Variants in NAV3 observed in about 807,000 individuals in gnomAD.
NAV3 encodes pore membrane and/or filament interacting like protein 1.
A neutral mutation model predicts 244.7 loss-of-function variants in NAV3; 87 were observed. The observed-to-expected ratio is 0.36, with a 90% confidence interval of 0.30 to 0.42. The LOEUF (loss-of-function observed/expected upper bound fraction) is 0.42. NAV3 is among the 20% of genes least tolerant of loss of function. The probability of loss-of-function intolerance (pLI) is 1.00; values close to 1 mark genes in which losing one functional copy is unlikely to be tolerated. For synonymous variants in NAV3, 1,126 were observed against 1,042.2 expected (o/e 1.08, Z -1.55); for missense variants, 2,663 against 2,893.3 (o/e 0.92, Z 1.83).
chr12:77,978,106 T>C (rs1868846787), intron 5 of NAV3, among the ~76,000 whole-genome samples: 1 of 152,140 alleles, frequency 6.6e-6, no homozygotes, highest in South Asian at 2.1e-4. Flanking sequence ...AGGTATAAAA[T>C]AAAAACGTCA....
intron 25 of NAV3, 91 bp from the exon 26 acceptor site, chr12:78,176,348 T>TA: frequency 2.4e-6 from 3 of 1,257,538 alleles, no homozygotes; most frequent in African/African-American, 3.1e-5. Context: ...CTTTTTATCT[T>TA]AAAAAATGTT....
intron 1 of NAV3, among the ~76,000 whole-genome samples, chr12:77,920,556 A>G (rs552506337): frequency 1.4e-4 from 21 of 152,184 alleles, no homozygotes; most frequent in African/African-American, 5.0e-4. Flanking sequence ...TTAACTTGCT[A>G]TTGTGAAAAA....
chr12:78,005,894 T>C (rs1477160910), intron 7 of NAV3, among the ~76,000 whole-genome samples: 2 of 152,194 alleles, frequency 1.3e-5, no homozygotes, highest in Non-Finnish European at 2.9e-5. Context: ...CATTATAGAA[T>C]AAAGCGAAAT....
chr12:77,921,449 T>A (rs2137176181), intron 1 of NAV3, among the ~76,000 whole-genome samples: 1 of 152,216 alleles, frequency 6.6e-6, no homozygotes, highest in Non-Finnish European at 1.5e-5. Context: ...TAGCCATACT[T>A]ACATAAACGT....
At chr12:78,108,415 C>G (rs554208508) in intron 12 of NAV3, among the ~76,000 whole-genome samples, 3 of 151,994 alleles carry the variant, frequency 2.0e-5, no homozygotes, top group Non-Finnish European at 2.9e-5. Flanking sequence ...AAAAATCAAC[C>G]AGTAAATTTT....
At chr12:77,685,506 C>T (rs1716241) in intron 2 of NAV3, among the ~76,000 whole-genome samples, 20 of 150,706 alleles carry the variant, frequency 1.3e-4, no homozygotes, top group African/African-American at 3.4e-4. Context: ...CACACACACA[C>T]ATACCCACAC....
intron 12 of NAV3, among the ~76,000 whole-genome samples, chr12:78,103,342 A>G (rs760566325): frequency 2.3e-4 from 35 of 152,242 alleles, no homozygotes; most frequent in Non-Finnish European, 4.1e-4. Flanking sequence ...CCTCATCTCC[A>G]TCCGAGACAA....
intron 1 of NAV3, among the ~76,000 whole-genome samples, chr12:77,887,940 A>C (rs1269283547): frequency 2.6e-5 from 4 of 152,026 alleles, no homozygotes; most frequent in Non-Finnish European, 4.4e-5. Context: ...TAGATATCTA[A>C]GAGGGAAAAA....
intron 24 of NAV3, among the ~76,000 whole-genome samples, chr12:78,173,675 T>G (rs750306089): frequency 6.6e-6 from 1 of 151,424 alleles, no homozygotes; most frequent in Non-Finnish European, 1.5e-5. Flanking sequence ...TGTTTTGGCA[T>G]GCAAAACCAG....
intron 2 of NAV3, among the ~76,000 whole-genome samples, chr12:77,717,262 T>C (rs568925114): frequency 1.3e-3 from 193 of 152,164 alleles, no homozygotes; most frequent in South Asian, 6.2e-3. Flanking sequence ...CTATACCCAT[T>C]GAACAACTCC....
At position 77,814,839 on chromosome 12, in the gene NAV3, G is replaced by T. The variant is rs141572462; in HGVS notation, c.73-125480G>T. Among the ~76,000 whole-genome samples, 39 of 152,328 alleles carry T rather than the reference G, an allele frequency of 2.6e-4. 1 individual carries two copies. Among genetic ancestry groups the T allele is most frequent in the African/African-American group, 9.4e-4 (39 of 41,570 alleles). ...TTAATACACTGCTGTTAATCAGTGA[G>T]GTTGGGGACTTCAAGATCTTCTTGA... On this transcript the variant is annotated intron_variant, in intron 2 of 8. Coordinates refer to the NAV3 transcript ENST00000550042.
chr12:77,785,263 T>G (rs1470862038), intron 2 of NAV3, among the ~76,000 whole-genome samples: 1 of 152,126 alleles, frequency 6.6e-6, no homozygotes, highest in Non-Finnish European at 1.5e-5. Flanking sequence ...AGAGAGCCTC[T>G]GAGACTCTGG....
chr12:77,599,222 A>G (rs1442292947), intron 2 of NAV3, among the ~76,000 whole-genome samples: 6 of 151,958 alleles, frequency 3.9e-5, no homozygotes, highest in African/African-American at 1.4e-4. Flanking sequence ...ATGCTGCACA[A>G]TATTCAATAT....
At chr12:77,805,847 T>C (rs2135984484) in intron 2 of NAV3, among the ~76,000 whole-genome samples, 1 of 152,294 alleles carries the variant, frequency 6.6e-6, no homozygotes, top group East Asian at 1.9e-4. Flanking sequence ...TTTCAGAACT[T>C]GTTATTGGTC....
intron 2 of NAV3, among the ~76,000 whole-genome samples, chr12:77,768,387 C>A (rs943769790): frequency 2.0e-5 from 3 of 152,168 alleles, no homozygotes; most frequent in Admixed American, 6.5e-5. Context: ...TCCAGGGTGC[C>A]CAGGCTGTTT....
intron 1 of NAV3, among the ~76,000 whole-genome samples, chr12:77,879,636 G>A (rs377197117): frequency 6.4e-5 from 8 of 125,934 alleles, no homozygotes; most frequent in East Asian, 5.1e-4. Flanking sequence ...AGCCAAGATC[G>A]AGCCACTTCA....
chr12:77,913,648 A>AGT lies in NAV3; in HGVS notation c.244-26659_244-26658dup, dbSNP rs145882361. 3.8e-3 allele frequency among the ~76,000 whole-genome samples: 581 copies of AGT among 151,674 alleles called. 1 individual carries two copies. The highest frequency in any genetic ancestry group is 0.013 in the African/African-American group (547 of 41,414). ...GGAAGATTGGACCCAAAATTCAGGG[A>AGT]GTGTGTGTGTGTGAATGATAAAAAC... On this transcript the variant is annotated intron_variant, in intron 1 of 39. Coordinates refer to ENST00000397909, the MANE Select transcript of NAV3 (RefSeq NM_001024383.2).
At chr12:77,950,777 A>G (rs1890796697) in intron 3 of NAV3, 1 of 152,204 alleles carries the variant, frequency 6.6e-6, no homozygotes, top group Non-Finnish European at 1.5e-5. Flanking sequence ...ATCTACAACC[A>G]TGTGATCTTT....
chr12:77,964,447 A>G (rs546691332), intron 3 of NAV3, among the ~76,000 whole-genome samples: 3 of 152,290 alleles, frequency 2.0e-5, no homozygotes, highest in African/African-American at 7.2e-5. Context: ...CTTTCTTAAT[A>G]TTAGGCCACA....
Sources: gnomAD v4.1 joint callset for allele counts (sites outside exome capture counted in the v4.1 genomes callset) on GRCh38, gnomAD v4.1.1 for gene constraint, MANE v1.5 for transcripts, NCBI Gene and HGNC (gene_info 2026-07-23, HGNC 2026-07-21) for gene names.